FAM83F: variants seen among roughly 807,000 people sequenced by gnomAD.
FAM83F encodes the protein scaffolding CK1 anchoring protein F, also known as protein FAM83F.
Under a neutral mutation model 42.9 loss-of-function variants are expected in FAM83F, and 45 were observed. That is an observed-to-expected ratio of 1.05 (90% CI 0.83 to 1.35). The LOEUF (loss-of-function observed/expected upper bound fraction) is 1.35, where lower values mean the gene tolerates loss of function less well. FAM83F is among the 40% of genes most tolerant of loss of function. The probability of loss-of-function intolerance (pLI) is 0.00; values close to 1 mark genes in which losing one functional copy is unlikely to be tolerated. For synonymous variants in FAM83F, 306 were observed against 298.3 expected (o/e 1.03, Z -0.27); for missense variants, 617 against 695.9 (o/e 0.89, Z 1.28).
chr22:40,004,514 G>A (rs1359420854), intron 1 of FAM83F, among the ~76,000 whole-genome samples: 1 of 152,022 alleles, frequency 6.6e-6, no homozygotes, highest in East Asian at 1.9e-4. Flanking sequence ...TGTTGCCCAG[G>A]CTGGCCTTGA....
chr22:40,029,530 A>C lies in FAM83F; in HGVS notation c.1468A>C (p.Ser490Arg), dbSNP rs1204163058. Residue 490 changes from serine to arginine, a missense_variant, in exon 5 of 5, where the codon AGT becomes CGT. Transcript: ENST00000333407. ...SADISGKTSP[S>R]SAKPSNCVIS ...TGCCTCTGCAGGTAAAACAAGTCCC[A>C]GTTCTGCCAAGCCTAGCAACTGTGT... 1 of 1,612,582 alleles carries C rather than the reference A, an allele frequency of 6.2e-7. No individual in the cohort carries two copies.
rs1031629834 is a variant in FAM83F at position 40,040,670 on chromosome 22, C to T, written c.*11105C>T. 1.3e-5 allele frequency: 2 copies of T among 152,224 alleles called. No individual in the cohort carries two copies. The highest frequency in any genetic ancestry group is 4.8e-5 in the African/African-American group (2 of 41,454). 9.4% of individuals were successfully genotyped at this position (152,224 alleles called of 1,614,324 possible). A position where few individuals can be genotyped will look rare whatever the true frequency, so the allele number is the denominator to read the frequency against. ...TGCAATAAATGCTTATAAGCATGCC[C>T]TCTGTAATCAGCCCTCTTTAGAGAG... On this transcript the variant is annotated 3_prime_UTR_variant, in exon 5 of 5. Transcript: ENST00000333407.
At position 40,008,908 on chromosome 22, in the gene FAM83F, C is replaced by T. The variant is rs113848199; in HGVS notation, c.490-10260C>T. Reference sequence around the variant, plus strand: ...CCCTCTGTGGGAAAGGGAAGAATTGCCCTCTGGTCCCAGATAGACTAACTC... The same window carrying T: ...CCCTCTGTGGGAAAGGGAAGAATTGTCCTCTGGTCCCAGATAGACTAACTC... On this transcript the variant is annotated intron_variant, in intron 1 of 4. Coordinates refer to ENST00000333407, the MANE Select transcript of FAM83F (RefSeq NM_138435.4). Among the ~76,000 whole-genome samples, 471 of 152,266 alleles carry T rather than the reference C, an allele frequency of 3.1e-3. 1 individual carries two copies. Among genetic ancestry groups the T allele is most frequent in the Non-Finnish European group, 5.3e-3 (359 of 68,016 alleles).
rs1402833755 is a variant in FAM83F at position 40,029,941 on chromosome 22, C to T, written c.*376C>T. On this transcript the variant is annotated 3_prime_UTR_variant, in exon 5 of 5. Coordinates refer to ENST00000333407, the MANE Select transcript of FAM83F (RefSeq NM_138435.4). The stretch of plus-strand genomic sequence containing the variant: ...GTGTCTGGGGCAGCTGCAGTGGCTT[C>T]TCCTTTCCCAGGCTTCCTGGTGCTT... 1.1e-5 allele frequency: 2 copies of T among 179,316 alleles called. No individual in the cohort carries two copies. Among genetic ancestry groups the T allele is most frequent in the African/African-American group, 4.7e-5 (2 of 42,390 alleles). 11.1% of individuals were successfully genotyped at this position (179,316 alleles called of 1,614,324 possible).
intron 1 of FAM83F, among the ~76,000 whole-genome samples, chr22:40,013,082 CAAAAAAAAAAAAAA>C (rs754625979): frequency 1.5e-4 from 7 of 46,394 alleles, no homozygotes; most frequent in Admixed American, 3.3e-4. Context: ...GACTCCGTTT[CAAAAAAAAAAAAAA>C]AAAAAAAAAA....
chr22:40,007,411 C>T (rs1213645422), intron 1 of FAM83F, among the ~76,000 whole-genome samples: 2 of 3,228 alleles, frequency 6.2e-4, no homozygotes, highest in Non-Finnish European at 1.3e-3. Context: ...CCTCCTCTTC[C>T]TCCTGTCCTC....
intron 1 of FAM83F, among the ~76,000 whole-genome samples, chr22:40,016,537 T>C (rs2145717555): frequency 6.6e-6 from 1 of 152,268 alleles, no homozygotes; most frequent in East Asian, 1.9e-4. Context: ...ATTTTATAGC[T>C]ACTTAGAGTG....
At chr22:40,004,336 C>G (rs535306584) in intron 1 of FAM83F, among the ~76,000 whole-genome samples, 20 of 102,666 alleles carry the variant, frequency 1.9e-4, no homozygotes, top group African/African-American at 7.2e-4. Context: ...GAGTCTTGCT[C>G]TGTCACCCAG....
Position 40,037,893 on chromosome 22 carries a change from A to G in FAM83F, c.*8328A>G, listed in dbSNP as rs2067634474. On this transcript the variant is annotated 3_prime_UTR_variant, in exon 5 of 5. Transcript: ENST00000333407. ...CCACCCTGCCCAGCTAATTAAAAAA[A>G]AAACTTTAGGGATGGGGTCTTGCTA... 6.6e-6 allele frequency: 1 copy of G among 151,764 alleles called. No homozygotes were observed. The highest frequency in any genetic ancestry group is 6.6e-5 in the Admixed American group (1 of 15,250). 9.4% of individuals were successfully genotyped at this position (151,764 alleles called of 1,614,324 possible).
chr22:39,998,300 A>G (rs890686373), intron 1 of FAM83F, among the ~76,000 whole-genome samples: 2 of 152,134 alleles, frequency 1.3e-5, no homozygotes, highest in African/African-American at 4.8e-5. Flanking sequence ...CACACATCCA[A>G]CTGTGTGCCA....
chr22:40,038,122 T>C lies in FAM83F; in HGVS notation c.*8557T>C, dbSNP rs2067635764. 2 of 152,238 alleles carry C rather than the reference T, an allele frequency of 1.3e-5. No homozygotes were observed. The allele number at this position is 152,238 out of a possible 1,614,324, so 9.4% of individuals were successfully genotyped here. ...ACTGTGATAAGATAGACCTGGCCTTTACCTTCAAATGTTCAGAACATGGTT... is the reference window on the plus strand; with the variant it reads ...ACTGTGATAAGATAGACCTGGCCTTCACCTTCAAATGTTCAGAACATGGTT... On this transcript the variant is annotated 3_prime_UTR_variant, in exon 5 of 5. Transcript: ENST00000333407.
At chr22:40,024,928 CA>C (rs1161537465) in intron 4 of FAM83F, among the ~76,000 whole-genome samples, 1 of 152,174 alleles carries the variant, frequency 6.6e-6, no homozygotes, top group Non-Finnish European at 1.5e-5. Context: ...AGCTGGGGGC[CA>C]GGGGTGCCCA....
At chr22:40,028,672 G>A (rs2067568788) in intron 4 of FAM83F, among the ~76,000 whole-genome samples, 1 of 152,228 alleles carries the variant, frequency 6.6e-6, no homozygotes, top group South Asian at 2.1e-4. Context: ...GGAAGGAATG[G>A]TAGAGGCCTG....
rs557310076 is a variant in FAM83F at position 40,020,013 on chromosome 22, G to T, written c.779+5G>T. 5 of 1,610,192 alleles carry T rather than the reference G, an allele frequency of 3.1e-6. No individual in the cohort carries two copies. The South Asian group carries it at 5.5e-5, about 18-fold the overall frequency. On this transcript the variant is annotated splice_donor_5th_base_variant and intron_variant, in intron 3 of 4. Coordinates refer to ENST00000333407, the MANE Select transcript of FAM83F (RefSeq NM_138435.4). ...AGTGGCCACTGGATCTTACAGGTGAGTTGGGCCGGATCAAAGAAGGGCCCA... is the reference window on the plus strand; with the variant it reads ...AGTGGCCACTGGATCTTACAGGTGATTTGGGCCGGATCAAAGAAGGGCCCA...
intron 1 of FAM83F, among the ~76,000 whole-genome samples, chr22:40,008,211 A>G (rs2067446058): frequency 6.6e-6 from 1 of 152,184 alleles, no homozygotes; most frequent in African/African-American, 2.4e-5. Context: ...CACGGCATTG[A>G]GCAGAGGAAC....
chr22:40,007,894 C>A (rs1411879515), intron 1 of FAM83F, among the ~76,000 whole-genome samples: 1 of 152,236 alleles, frequency 6.6e-6, no homozygotes, highest in Non-Finnish European at 1.5e-5. Context: ...TAACGACACC[C>A]TCTCCTGGAT....
chr22:40,012,246 T>A (rs2067469010), intron 1 of FAM83F, among the ~76,000 whole-genome samples: 1 of 151,962 alleles, frequency 6.6e-6, no homozygotes, highest in Non-Finnish European at 1.5e-5. Context: ...GCAGTTCTCT[T>A]GCCTCAGCCT....
intron 1 of FAM83F, among the ~76,000 whole-genome samples, chr22:40,007,115 T>C (rs1467861028): frequency 6.6e-6 from 1 of 151,760 alleles, no homozygotes; most frequent in Non-Finnish European, 1.5e-5. Context: ...ACTTCCGTAC[T>C]GTTGGATCGA....
chr22:40,029,268 G>A (rs1045174432), intron 4 of FAM83F, among the ~76,000 whole-genome samples: 10 of 152,158 alleles, frequency 6.6e-5, no homozygotes, highest in South Asian at 2.1e-4. Context: ...CTTTGGTCAG[G>A]AGATGGCTGT....
Sources: gnomAD v4.1 joint callset for allele counts (sites outside exome capture counted in the v4.1 genomes callset) on GRCh38, gnomAD v4.1.1 for gene constraint, MANE v1.5 for transcripts, NCBI Gene and HGNC (gene_info 2026-07-23, HGNC 2026-07-21) for gene names.